Variants in PTPN13 observed in about 807,000 individuals in gnomAD.
The protein encoded by PTPN13 is protein tyrosine phosphatase non-receptor type 13, also known as tyrosine-protein phosphatase non-receptor type 13.
In PTPN13, 191 loss-of-function variants were observed where a neutral mutation model predicts 284.0. The ratio of observed to expected loss-of-function variants is 0.67; its 90% CI spans 0.60 to 0.76. The LOEUF (loss-of-function observed/expected upper bound fraction) is 0.76, where lower values mean the gene tolerates loss of function less well. Ranked by LOEUF, PTPN13 falls within the 30% of genes least tolerant of loss-of-function variation. The pLI is 0.00. For synonymous variants in PTPN13, 986 were observed against 1,022.3 expected, an observed-to-expected ratio of 0.96 and a Z score of 0.68; for missense variants, 2,797 against 2,939.9, an observed-to-expected ratio of 0.95 and a Z score of 1.12.
chr4:86,759,983 C>T (rs1180788692), intron 23 of PTPN13, among the ~76,000 whole-genome samples: 2 of 152,000 alleles, frequency 1.3e-5, no homozygotes, highest in Non-Finnish European at 2.9e-5. Flanking sequence ...AGCTGAAAAA[C>T]AATTTTAGAC....
intron 19 of PTPN13, among the ~76,000 whole-genome samples, chr4:86,751,433 C>G (rs1395916872): frequency 2.0e-5 from 3 of 152,138 alleles, no homozygotes; most frequent in Non-Finnish European, 4.4e-5. Flanking sequence ...GTGATCCCCC[C>G]ACCTCAGCCT....
chr4:86,717,188 A>ATTT, intron 9 of PTPN13, 71 bp downstream of exon 9: 5 of 975,690 alleles, frequency 5.1e-6, no homozygotes, highest in Admixed American at 5.7e-5. Flanking sequence ...AATTAAATGG[A>ATTT]ATTTTTTTTT....
chr4:86,690,718 T>C (rs755641168), intron 5 of PTPN13, among the ~76,000 whole-genome samples: 1 of 151,470 alleles, frequency 6.6e-6, no homozygotes, highest in Non-Finnish European at 1.5e-5. Context: ...GTGAGAGATA[T>C]TTTTTTCTGT....
At chr4:86,605,467 G>T (rs1164711519) in intron 1 of PTPN13, among the ~76,000 whole-genome samples, 2 of 151,902 alleles carry the variant, frequency 1.3e-5, no homozygotes, top group African/African-American at 4.8e-5. Context: ...TAAAATGGCA[G>T]AGTGAGAAAG....
intron 43 of PTPN13, 61 bp downstream of exon 43, chr4:86,803,918 T>C (rs1744358547): frequency 7.7e-6 from 12 of 1,552,368 alleles, no homozygotes; most frequent in Non-Finnish European, 1.1e-5. Flanking sequence ...GTAAGGAAAA[T>C]GTATCTTTAC....
chr4:86,642,703 C>T (rs1315607335), intron 2 of PTPN13, among the ~76,000 whole-genome samples: 2 of 152,030 alleles, frequency 1.3e-5, no homozygotes, highest in African/African-American at 2.4e-5. Context: ...GATCCACCCA[C>T]CTCGGCCTCT....
intron 1 of PTPN13, among the ~76,000 whole-genome samples, chr4:86,613,475 AT>A (rs1445806391): frequency 6.6e-6 from 1 of 152,122 alleles, no homozygotes; most frequent in African/African-American, 2.4e-5. Context: ...TCTACTAAAA[AT>A]ACGAAAAGTT....
Position 86,809,958 on chromosome 4 carries a change from C to T in PTPN13, c.7273C>T (p.Leu2425=). The T allele has an allele frequency of 6.2e-7, 1 of 1,613,910 alleles. No homozygotes were observed. Among genetic ancestry groups the T allele is most frequent in the Non-Finnish European group, 8.5e-7 (1 of 1,179,854 alleles). The change falls in exon 46 of 48, where the codon CTG becomes TTG. Residue 2425 remains leucine (L), a synonymous_variant. Coordinates refer to ENST00000411767, the MANE Select transcript of PTPN13 (RefSeq NM_080683.3). ...SGTLICIDVV[L]GLISQDLDFD... is the part of the protein sequence containing the mutation. ...GACCCTGATTTGCATAGATGTGGTT[C>T]TGGGATTAATCAGTCAGGATCTTGA...
intron 1 of PTPN13, among the ~76,000 whole-genome samples, chr4:86,599,137 G>A (rs904312880): frequency 3.9e-5 from 6 of 152,002 alleles, no homozygotes; most frequent in Non-Finnish European, 7.4e-5. Context: ...ATGAGACCCT[G>A]GCATCTGTAT....
intron 3 of PTPN13, among the ~76,000 whole-genome samples, chr4:86,676,839 G>A (rs887236263): frequency 1.3e-5 from 2 of 152,154 alleles, no homozygotes; most frequent in African/African-American, 4.8e-5. Context: ...AAGTAGAAAG[G>A]TGATTGCCAA....
rs566648378 is a variant in PTPN13 at position 86,730,749 on chromosome 4, C to G, written c.1609-1651C>G. On this transcript the variant is annotated intron_variant, in intron 10 of 47. Coordinates refer to ENST00000411767, the MANE Select transcript of PTPN13 (RefSeq NM_080683.3). Reference sequence around the variant, plus strand: ...CTAGGAAAGGGAAATCCCTCTATCCCTTGGGCTTCCTGGGTGAGGTGATGC... The same window carrying G: ...CTAGGAAAGGGAAATCCCTCTATCCGTTGGGCTTCCTGGGTGAGGTGATGC... Among the ~76,000 whole-genome samples, 16 of 130,860 alleles carry G rather than the reference C, an allele frequency of 1.2e-4. 3 individuals carry two copies. The highest frequency in any genetic ancestry group is 4.5e-4 in the Admixed American group (6 of 13,228). The allele number at this position is 130,860 out of a possible 152,430, so 85.8% of individuals were successfully genotyped here. A position where few individuals can be genotyped will look rare whatever the true frequency, so the allele number is the denominator to read the frequency against.
intron 1 of PTPN13, among the ~76,000 whole-genome samples, chr4:86,613,643 A>AC (rs1233406722): frequency 7.9e-5 from 12 of 151,544 alleles, no homozygotes; most frequent in Non-Finnish European, 1.6e-4. Flanking sequence ...CAAAAAAAAA[A>AC]AAAAAAAAGA....
chr4:86,639,928 CA>C (rs1723569920), intron 2 of PTPN13, among the ~76,000 whole-genome samples: 1 of 151,998 alleles, frequency 6.6e-6, no homozygotes, highest in Admixed American at 6.6e-5. Flanking sequence ...CCCTCAAGGA[CA>C]TTGTGATGCA....
chr4:86,773,339 A>C (rs979411803), intron 32 of PTPN13, among the ~76,000 whole-genome samples: 1 of 152,160 alleles, frequency 6.6e-6, no homozygotes, highest in East Asian at 1.9e-4. Context: ...CCCTTAGTAA[A>C]TATTATTTTT....
At chr4:86,607,921 T>C (rs1328781956) in intron 1 of PTPN13, among the ~76,000 whole-genome samples, 1 of 152,082 alleles carries the variant, frequency 6.6e-6, no homozygotes, top group Non-Finnish European at 1.5e-5. Context: ...GAAAATCTTT[T>C]AACAATGTTT....
Position 86,770,002 on chromosome 4 carries a change from G to A in PTPN13, c.4704+19G>A. ...TCAGCAGGTGAGCCCCTAGCATGTG[G>A]AGTATAGCATTTTTAATGATGAGAT... On this transcript the variant is annotated intron_variant, in intron 29 of 47. Coordinates refer to ENST00000411767, the MANE Select transcript of PTPN13 (RefSeq NM_080683.3). 6.2e-7 allele frequency: 1 copy of A among 1,613,366 alleles called. No homozygotes were observed. Among genetic ancestry groups the A allele is most frequent in the East Asian group, 2.2e-5 (1 of 44,868 alleles).
chr4:86,617,887 C>G (rs1206389175), intron 1 of PTPN13, among the ~76,000 whole-genome samples: 2 of 151,808 alleles, frequency 1.3e-5, no homozygotes, highest in Non-Finnish European at 1.5e-5. Context: ...CCTGTTCACT[C>G]TGATGGTAGT....
intron 1 of PTPN13, among the ~76,000 whole-genome samples, chr4:86,618,108 G>A (rs551360785): frequency 2.3e-3 from 346 of 152,168 alleles, no homozygotes; most frequent in African/African-American, 8.1e-3. Flanking sequence ...TTTGTATAAG[G>A]TGTAAGGAAG....
chr4:86,719,623 C>T (rs1289519515), intron 9 of PTPN13, among the ~76,000 whole-genome samples: 1 of 152,158 alleles, frequency 6.6e-6, no homozygotes, highest in Non-Finnish European at 1.5e-5. Flanking sequence ...TCTCTGCAAC[C>T]TCGTCAGCAT....
Sources: allele counts gnomAD v4.1 joint callset (sites outside exome capture counted in the v4.1 genomes callset), GRCh38; gene constraint gnomAD v4.1.1; transcripts MANE v1.5; gene names NCBI Gene and HGNC (gene_info 2026-07-23, HGNC 2026-07-21).